The following SORCS2 variants were observed in gnomAD, a reference collection of about 807,000 sequenced individuals.
SORCS2 encodes sortilin related VPS10 domain containing receptor 2.
Under a neutral mutation model 141.6 loss-of-function variants are expected in SORCS2, and 100 were observed. The ratio of observed to expected loss-of-function variants is 0.71; its 90% CI spans 0.60 to 0.83. The LOEUF is 0.83. Ranked by LOEUF, SORCS2 falls within the 40% of genes least tolerant of loss-of-function variation. The probability of loss-of-function intolerance (pLI) is 0.00; values close to 1 mark genes in which losing one functional copy is unlikely to be tolerated. For synonymous variants in SORCS2, 789 were observed against 676.9 expected, an observed-to-expected ratio of 1.17 and a Z score of -2.57; for missense variants, 1,646 against 1,560.2, an observed-to-expected ratio of 1.05 and a Z score of -0.93.
intron 2 of SORCS2, among the ~76,000 whole-genome samples, chr4:7,519,486 C>T (rs1255294502): frequency 1.3e-5 from 2 of 152,212 alleles, no homozygotes; most frequent in East Asian, 1.9e-4. Context: ...CCTGTCTGCA[C>T]GGGAACAGCT....
chr4:7,576,199 T>A (rs532319861), intron 3 of SORCS2, among the ~76,000 whole-genome samples: 2 of 152,330 alleles, frequency 1.3e-5, no homozygotes, highest in East Asian at 3.9e-4. Flanking sequence ...TGTGCTCAGC[T>A]GAATTGCTGT....
intron 3 of SORCS2, among the ~76,000 whole-genome samples, chr4:7,551,938 C>T (rs1044271811): frequency 4.6e-5 from 7 of 152,156 alleles, no homozygotes; most frequent in South Asian, 2.1e-4. Context: ...AATTGTGTGT[C>T]GTAATCGGCA....
At chr4:7,283,201 G>A (rs1716000182) in intron 1 of SORCS2, among the ~76,000 whole-genome samples, 1 of 152,244 alleles carries the variant, frequency 6.6e-6, no homozygotes, top group Non-Finnish European at 1.5e-5. Flanking sequence ...GTCCAGTGGG[G>A]GAGACAGATA....
At chr4:7,618,189 G>T (rs1324519516) in intron 3 of SORCS2, among the ~76,000 whole-genome samples, 1 of 152,016 alleles carries the variant, frequency 6.6e-6, no homozygotes, top group Non-Finnish European at 1.5e-5. Context: ...TCAGGAAGTG[G>T]TCCCATCCCC....
At chr4:7,202,937 C>G (rs778891343) in intron 1 of SORCS2, among the ~76,000 whole-genome samples, 10 of 151,850 alleles carry the variant, frequency 6.6e-5, no homozygotes, top group Non-Finnish European at 1.3e-4. Flanking sequence ...GTGCCGGATG[C>G]TGCGTCAGGC....
intron 2 of SORCS2, among the ~76,000 whole-genome samples, chr4:7,485,485 C>T (rs1028950864): frequency 2.0e-5 from 3 of 152,254 alleles, no homozygotes; most frequent in African/African-American, 7.2e-5. Flanking sequence ...GGCCCCCTGC[C>T]GGGCCTCATG....
intron 11 of SORCS2, among the ~76,000 whole-genome samples, chr4:7,690,322 G>A (rs990196699): frequency 3.4e-5 from 5 of 144,928 alleles, no homozygotes; most frequent in African/African-American, 1.0e-4. Flanking sequence ...GTGGTGGATA[G>A]GTGGACGGGT....
rs116318290 is a variant in SORCS2 at position 7,237,909 on chromosome 4, G to A, written c.480+44783G>A. On this transcript the variant is annotated intron_variant, in intron 1 of 26. Transcript: ENST00000507866. The stretch of plus-strand genomic sequence containing the variant: ...ATGATCCATCTGAAATGTGTGTGCC[G>A]TTTTCCTTTTGCTTCTAAATTAGAG... 4.8e-3 allele frequency among the ~76,000 whole-genome samples: 729 copies of A among 152,118 alleles called. 8 individuals are homozygous for A. The highest frequency in any genetic ancestry group is 0.016 in the African/African-American group (682 of 41,512).
chr4:7,711,607 C>A (rs1051380761), intron 14 of SORCS2, among the ~76,000 whole-genome samples: 5 of 152,188 alleles, frequency 3.3e-5, no homozygotes, highest in Admixed American at 2.6e-4. Context: ...GTGGAAGGCA[C>A]TCAGGCAGCA....
At chr4:7,561,026 C>T (rs1237069861) in intron 3 of SORCS2, among the ~76,000 whole-genome samples, 1 of 152,088 alleles carries the variant, frequency 6.6e-6, no homozygotes, top group Non-Finnish European at 1.5e-5. Flanking sequence ...GCAGTTGGGG[C>T]ATCTTGACTG....
intron 1 of SORCS2, among the ~76,000 whole-genome samples, chr4:7,370,610 G>A (rs1014175191): frequency 1.3e-5 from 2 of 152,186 alleles, no homozygotes; most frequent in Non-Finnish European, 2.9e-5. Flanking sequence ...GAGAAATAAC[G>A]TTGCCCATCA....
intron 1 of SORCS2, among the ~76,000 whole-genome samples, chr4:7,238,559 TCAC>T (rs1252960207): frequency 6.6e-6 from 1 of 152,134 alleles, no homozygotes; most frequent in African/African-American, 2.4e-5. Context: ...GTGCGTGTGC[TCAC>T]GTGTGTGCAT....
chr4:7,285,955 C>T (rs1003955859), intron 1 of SORCS2, among the ~76,000 whole-genome samples: 1 of 152,120 alleles, frequency 6.6e-6, no homozygotes, highest in Non-Finnish European at 1.5e-5. Context: ...AGCGTGGAGG[C>T]CCAGTGCGGG....
chr4:7,733,824 G>A (rs1219019437), intron 24 of SORCS2, among the ~76,000 whole-genome samples: 2 of 152,212 alleles, frequency 1.3e-5, no homozygotes, highest in Non-Finnish European at 2.9e-5. Flanking sequence ...CATAGCCGGG[G>A]AGCTCTGCCC....
intron 3 of SORCS2, among the ~76,000 whole-genome samples, chr4:7,623,692 A>G (rs1041981098): frequency 2.6e-5 from 4 of 151,902 alleles, no homozygotes; most frequent in South Asian, 2.1e-4. Flanking sequence ...CGCTGTCTCT[A>G]TGGTCTTACC....
intron 2 of SORCS2, among the ~76,000 whole-genome samples, chr4:7,493,200 C>A (rs1027621832): frequency 6.6e-6 from 1 of 152,170 alleles, no homozygotes; most frequent in Non-Finnish European, 1.5e-5. Context: ...GTTTGGGACC[C>A]AGCCTGGAAG....
chr4:7,557,482 A>T (rs1217212939), intron 3 of SORCS2, among the ~76,000 whole-genome samples: 1 of 152,250 alleles, frequency 6.6e-6, no homozygotes, highest in African/African-American at 2.4e-5. Flanking sequence ...TGTCCTAGCC[A>T]CGCAAGGATT....
intron 1 of SORCS2, among the ~76,000 whole-genome samples, chr4:7,234,279 C>T (rs547469912): frequency 1.3e-5 from 2 of 152,360 alleles, no homozygotes; most frequent in Non-Finnish European, 2.9e-5. Context: ...TGTGGGGACA[C>T]TGCCTTCTCC....
At chr4:7,388,517 T>C (rs1723633507) in intron 1 of SORCS2, among the ~76,000 whole-genome samples, 1 of 152,202 alleles carries the variant, frequency 6.6e-6, no homozygotes, top group African/African-American at 2.4e-5. Context: ...GGTCTCTAGT[T>C]GAAATCTCCC....
Sources: allele counts gnomAD v4.1 joint callset (sites outside exome capture counted in the v4.1 genomes callset), GRCh38; gene constraint gnomAD v4.1.1; transcripts MANE v1.5; gene names NCBI Gene and HGNC (gene_info 2026-07-23, HGNC 2026-07-21).